Variants in MYO16 observed in about 807,000 individuals in gnomAD.
MYO16 encodes myosin XVI, also known as unconventional myosin-XVI.
Under a neutral mutation model 205.3 loss-of-function variants are expected in MYO16, and 94 were observed. The observed-to-expected ratio is 0.46, with a 90% CI of 0.39 to 0.54. The LOEUF is 0.54. Among genes scored for constraint, MYO16 ranks in the 20% least tolerant of loss-of-function variants. The pLI is 0.00. For synonymous variants in MYO16, 988 were observed against 954.0 expected, an observed-to-expected ratio of 1.04 and a Z score of -0.66; for missense variants, 2,315 against 2,387.5, an observed-to-expected ratio of 0.97 and a Z score of 0.63.
chr13:108,522,247 AT>A, the MYO16 span, among the ~76,000 whole-genome samples: 1 of 152,230 alleles, frequency 6.6e-6, no homozygotes, highest in Non-Finnish European at 1.5e-5. Flanking sequence ...ACTTCTATGA[AT>A]TATAAGATTC....
At chr13:109,006,531 C>A (rs1594463224) in intron 21 of MYO16, among the ~76,000 whole-genome samples, 1 of 152,302 alleles carries the variant, frequency 6.6e-6, no homozygotes, top group South Asian at 2.1e-4. Flanking sequence ...TGAGCCACTG[C>A]ACCTGGCTAA....
At chr13:109,142,026 A>C (rs371112078) in intron 32 of MYO16, among the ~76,000 whole-genome samples, 2 of 152,192 alleles carry the variant, frequency 1.3e-5, no homozygotes, top group African/African-American at 2.4e-5. Context: ...AGTCCACTCA[A>C]GTGAGCTCCA....
the MYO16 span, among the ~76,000 whole-genome samples, chr13:108,583,086 A>T: frequency 6.6e-6 from 1 of 152,230 alleles, no homozygotes; most frequent in Non-Finnish European, 1.5e-5. Context: ...ATATTTGTAG[A>T]TTTATAAAAT....
chr13:108,729,749 G>GT (rs1362569433), intron 4 of MYO16, among the ~76,000 whole-genome samples: 3 of 152,270 alleles, frequency 2.0e-5, no homozygotes, highest in Admixed American at 2.0e-4. Flanking sequence ...AGAAAGGTTT[G>GT]TGAGATCTCA....
At chr13:108,658,722 T>C (rs1881354135) in intron 1 of MYO16, among the ~76,000 whole-genome samples, 3 of 152,288 alleles carry the variant, frequency 2.0e-5, no homozygotes, top group Admixed American at 1.3e-4. Context: ...CTTTAGTTGA[T>C]ATTCCATTTT....
rs1301423220 is a variant in MYO16 at position 108,727,509 on chromosome 13, G to T, written c.433G>T (p.Asp145Tyr). ...IDRGVNVNHQDEDFWTPMHIA... is the reference protein window; with the variant it reads ...IDRGVNVNHQYEDFWTPMHIA... Reference sequence around the variant, plus strand: ...CAGAGGAGTCAACGTCAACCACCAGGATGAAGACTTCTGGACGCCCATGCA... The same window carrying T: ...CAGAGGAGTCAACGTCAACCACCAGTATGAAGACTTCTGGACGCCCATGCA... Residue 145 changes from aspartate to tyrosine, a missense_variant, in exon 4 of 35, where the codon GAT (aspartate) becomes TAT (tyrosine). Asp to Tyr is a radical substitution (Grantham distance 160, BLOSUM62 -3). Transcript: ENST00000457511. The T allele has an allele frequency of 6.2e-7, 1 of 1,613,996 alleles. No individual in the cohort carries two copies. The highest frequency in any genetic ancestry group is 1.7e-5 in the Admixed American group (1 of 60,008).
chr13:109,068,777 G>A (rs1258602016), intron 27 of MYO16, among the ~76,000 whole-genome samples: 2 of 152,118 alleles, frequency 1.3e-5, no homozygotes, highest in East Asian at 3.9e-4. Context: ...TTTTAGTAGA[G>A]AAGGGGTTTC....
chr13:108,792,047 A>G (rs1241882681), intron 5 of MYO16, among the ~76,000 whole-genome samples: 1 of 152,232 alleles, frequency 6.6e-6, no homozygotes, highest in East Asian at 1.9e-4. Flanking sequence ...AAGAAGATGA[A>G]TTAATTCTCC....
chr13:108,913,665 A>G (rs1881363690), intron 16 of MYO16, among the ~76,000 whole-genome samples: 1 of 152,218 alleles, frequency 6.6e-6, no homozygotes, highest in Non-Finnish European at 1.5e-5. Context: ...CTATTTGTAA[A>G]ATGCTCAATA....
chr13:108,543,855 C>CA, the MYO16 span, among the ~76,000 whole-genome samples: 1 of 148,046 alleles, frequency 6.8e-6, no homozygotes, highest in Non-Finnish European at 1.5e-5. Context: ...CACCTGAGGT[C>CA]AGGAGTTCGA....
At chr13:109,110,764 T>A (rs1889260792) in intron 28 of MYO16, among the ~76,000 whole-genome samples, 1 of 152,144 alleles carries the variant, frequency 6.6e-6, no homozygotes, top group Non-Finnish European at 1.5e-5. Context: ...AAAAAAGTAA[T>A]GGTCATTCTT....
chr13:108,767,114 G>T lies in MYO16; in HGVS notation c.508-18521G>T, dbSNP rs568390405. On this transcript the variant is annotated intron_variant, in intron 4 of 34. Transcript: ENST00000457511. ...TTGTTTGTTTGTTTTGTTTTGTTTTGTTTTGAGACAGGGAGTCTCTCTCTG... is the reference window on the plus strand; with the variant it reads ...TTGTTTGTTTGTTTTGTTTTGTTTTTTTTTGAGACAGGGAGTCTCTCTCTG... Among the ~76,000 whole-genome samples the T allele has an allele frequency of 2.0e-3, 266 of 132,828 alleles. 2 individuals are homozygous for T. The highest frequency in any genetic ancestry group is 0.013 in the South Asian group (46 of 3,576). The allele number at this position is 132,828 out of a possible 152,430, so 87.1% of individuals were successfully genotyped here.
the MYO16 span, among the ~76,000 whole-genome samples, chr13:108,587,438 A>G: frequency 1.3e-5 from 2 of 152,198 alleles, no homozygotes; most frequent in African/African-American, 4.8e-5. Context: ...CAATTGAGCT[A>G]GTTTCATCAT....
At chr13:108,613,870 C>T (rs1879258471) in intron 1 of MYO16, among the ~76,000 whole-genome samples, 1 of 151,948 alleles carries the variant, frequency 6.6e-6, no homozygotes, top group Non-Finnish European at 1.5e-5. Context: ...AAATGAGAAA[C>T]AGAAAGATGC....
the MYO16 span, among the ~76,000 whole-genome samples, chr13:108,572,825 G>A: frequency 6.6e-6 from 1 of 152,086 alleles, no homozygotes; most frequent in Non-Finnish European, 1.5e-5. Context: ...GTTAATAGTG[G>A]TTTTGTTAAC....
chr13:109,023,741 A>T (rs1360807590), intron 23 of MYO16, among the ~76,000 whole-genome samples: 2 of 134,056 alleles, frequency 1.5e-5, no homozygotes, highest in African/African-American at 5.4e-5. Context: ...ATATATACAT[A>T]TATACGTATA....
chr13:109,084,338 G>C (rs535849987), intron 27 of MYO16, among the ~76,000 whole-genome samples: 1 of 123,400 alleles, frequency 8.1e-6, no homozygotes, highest in East Asian at 2.2e-4. Flanking sequence ...CGCCTCCTCC[G>C]TGTGAAAGAG....
At chr13:109,056,312 C>G (rs994049406) in intron 27 of MYO16, among the ~76,000 whole-genome samples, 1 of 152,070 alleles carries the variant, frequency 6.6e-6, no homozygotes, top group Non-Finnish European at 1.5e-5. Context: ...TAGCCTTATC[C>G]CAGCCATTTG....
chr13:109,066,470 T>C (rs1887751395), intron 27 of MYO16, among the ~76,000 whole-genome samples: 1 of 152,198 alleles, frequency 6.6e-6, no homozygotes, highest in African/African-American at 2.4e-5. Flanking sequence ...AGAGGACCTG[T>C]AACTTTTCAA....
Sources: gnomAD v4.1 joint callset for allele counts (sites outside exome capture counted in the v4.1 genomes callset) on GRCh38, gnomAD v4.1.1 for gene constraint, MANE v1.5 for transcripts, NCBI Gene and HGNC (gene_info 2026-07-23, HGNC 2026-07-21) for gene names.